Variants in GTF2A1L observed in about 807,000 individuals in gnomAD.
GTF2A1L encodes general transcription factor IIA subunit 1 like.
In GTF2A1L, 48 loss-of-function variants were observed where a neutral mutation model predicts 49.7. The observed-to-expected ratio is 0.97, with a 90% CI of 0.77 to 1.23. The LOEUF is 1.23. Among genes scored for constraint, GTF2A1L ranks in the 50% most tolerant of loss-of-function variants. The pLI is 0.00. For missense variants in GTF2A1L, 736 were observed against 564.8 expected (o/e 1.30, Z -3.07); for synonymous variants, 246 against 193.5 (o/e 1.27, Z -2.25).
intron 6 of GTF2A1L, among the ~76,000 whole-genome samples, chr2:48,664,034 G>C (rs2104283191): frequency 6.6e-6 from 1 of 152,186 alleles, no homozygotes; most frequent in African/African-American, 2.4e-5. Context: ...AATAATTTTA[G>C]TAGTTGTTTT....
chr2:48,633,866 G>A (rs1002289954), intron 3 of GTF2A1L, among the ~76,000 whole-genome samples: 2 of 147,636 alleles, frequency 1.4e-5, no homozygotes, highest in Non-Finnish European at 3.0e-5. Context: ...TTGTGGAATT[G>A]AATGCTTATC....
chr2:48,658,771 G>T (rs1163172739), intron 6 of GTF2A1L, among the ~76,000 whole-genome samples: 1 of 152,028 alleles, frequency 6.6e-6, no homozygotes, highest in Non-Finnish European at 1.5e-5. Flanking sequence ...TCTAGTTTGT[G>T]TGCATAGATG....
chr2:48,640,979 T>A (rs1677166514), intron 3 of GTF2A1L, among the ~76,000 whole-genome samples: 1 of 152,196 alleles, frequency 6.6e-6, no homozygotes, highest in African/African-American at 2.4e-5. Context: ...TATTCCAATG[T>A]CTATAAAGAA....
intron 7 of GTF2A1L, 42 bp from the exon 8 acceptor site, chr2:48,671,549 A>T: frequency 6.3e-7 from 1 of 1,584,348 alleles, no homozygotes; most frequent in Non-Finnish European, 8.6e-7. Context: ...AACAATTTAA[A>T]GCATCATAAA....
chr2:48,631,263 T>G (rs539083390), intron 3 of GTF2A1L, among the ~76,000 whole-genome samples: 4 of 152,156 alleles, frequency 2.6e-5, no homozygotes, highest in African/African-American at 9.6e-5. Context: ...TGGGGCTTTT[T>G]TTGGGTGGTA....
At position 48,628,253 on chromosome 2, in the gene GTF2A1L, G is replaced by T. The variant is rs1053608078; in HGVS notation, c.247+6963G>T. ...TGGATATATAGCCAATAATGGGATT[G>T]CTGGGTCAAATGGTAGTTCTATTTT... On this transcript the variant is annotated intron_variant, in intron 3 of 8. Transcript: ENST00000403751. Among the ~76,000 whole-genome samples the T allele has an allele frequency of 4.2e-5, 6 of 144,136 alleles. 2 individuals are homozygous for T. The highest frequency in any genetic ancestry group is 9.4e-5 in the Non-Finnish European group (6 of 63,956). 94.6% of individuals were successfully genotyped at this position (144,136 alleles called of 152,430 possible). A position where few individuals can be genotyped will look rare whatever the true frequency, so the allele number is the denominator to read the frequency against.
At chr2:48,671,541 C>T (rs1163509968) in intron 7 of GTF2A1L, 50 bp from the exon 8 acceptor site, 1 of 1,559,742 alleles carries the variant, frequency 6.4e-7, no homozygotes, top group Non-Finnish European at 8.7e-7. Context: ...TATCTTTAAA[C>T]AATTTAAAGC....
chr2:48,644,481 A>G (rs1321277557), intron 4 of GTF2A1L, among the ~76,000 whole-genome samples: 3 of 152,184 alleles, frequency 2.0e-5, no homozygotes, highest in African/African-American at 2.4e-5. Flanking sequence ...TTTTTCTAAT[A>G]TAGTATTCTA....
Position 48,645,037 on chromosome 2 carries a change from C to T in GTF2A1L, c.308C>T (p.Thr103Ile). 1 of 1,609,864 alleles carries T rather than the reference C, an allele frequency of 6.2e-7. No homozygotes were observed. Among genetic ancestry groups the T allele is most frequent in the Non-Finnish European group, 8.5e-7 (1 of 1,178,816 alleles). ...ATATAAATTTCTTATATCTAGGGCA[C>T]TTCAAACTCCAGTGCAAACTTTACT... The part of the protein sequence containing the change: ...LPSFTTAELG[T>I]SNSSANFTFP... Residue 103 changes from threonine (T) to isoleucine (I), a missense_variant, in exon 5 of 9, where the codon ACT becomes ATT. Physicochemically the swap from Thr to Ile is moderately conservative, Grantham distance 89. Coordinates refer to ENST00000403751, the MANE Select transcript of GTF2A1L (RefSeq NM_006872.5).
At chr2:48,636,763 A>G (rs1676911706) in intron 3 of GTF2A1L, among the ~76,000 whole-genome samples, 1 of 152,178 alleles carries the variant, frequency 6.6e-6, no homozygotes, top group African/African-American at 2.4e-5. Context: ...AGAGAGAGAC[A>G]AATGGGGTTC....
chr2:48,671,692 A>T lies in GTF2A1L; in HGVS notation c.1329+12A>T. On this transcript the variant is annotated intron_variant, in intron 8 of 8. Coordinates refer to ENST00000403751, the MANE Select transcript of GTF2A1L (RefSeq NM_006872.5). Reference sequence around the variant, plus strand: ...GTCAGTATGATAAGGTACTGTATTTACCTTTTGGACTTTGGGTTTATTAAC... The same window carrying T: ...GTCAGTATGATAAGGTACTGTATTTTCCTTTTGGACTTTGGGTTTATTAAC... 6.2e-7 allele frequency: 1 copy of T among 1,601,800 alleles called. No individual in the cohort carries two copies. Among genetic ancestry groups the T allele is most frequent in the Admixed American group, 1.7e-5 (1 of 57,872 alleles).
In GTF2A1L at chr2:48,671,692, A is replaced by C. The variant is rs758313983; in HGVS notation, c.1329+12A>C. ...GTCAGTATGATAAGGTACTGTATTT[A>C]CCTTTTGGACTTTGGGTTTATTAAC... On this transcript the variant is annotated intron_variant, in intron 8 of 8. Coordinates refer to ENST00000403751, the MANE Select transcript of GTF2A1L (RefSeq NM_006872.5). 1.2e-6 allele frequency: 2 copies of C among 1,601,800 alleles called. No homozygotes were observed. Among genetic ancestry groups the C allele is most frequent in the South Asian group, 1.1e-5 (1 of 87,592 alleles).
intron 7 of GTF2A1L, among the ~76,000 whole-genome samples, chr2:48,670,398 T>A (rs76802176): frequency 0.026 from 4,004 of 152,112 alleles, 157 homozygotes; most frequent in African/African-American, 0.09. Flanking sequence ...AAAAGACTTA[T>A]TATATGCTTG....
intron 6 of GTF2A1L, 46 bp from the exon 7 acceptor site, chr2:48,669,676 A>ATACCTTATT (rs1342646926): frequency 6.4e-7 from 1 of 1,553,752 alleles, no homozygotes; most frequent in Admixed American, 1.9e-5. Flanking sequence ...AATATTTTAT[A>ATACCTTATT]TACCTTATTT....
At chr2:48,653,622 G>C (rs1677991665) in intron 6 of GTF2A1L, among the ~76,000 whole-genome samples, 1 of 152,118 alleles carries the variant, frequency 6.6e-6, no homozygotes, top group Non-Finnish European at 1.5e-5. Flanking sequence ...CATTTGGGTT[G>C]TTTCCAGTTT....
At chr2:48,638,834 G>A (rs67628224) in intron 3 of GTF2A1L, among the ~76,000 whole-genome samples, 11,165 of 152,000 alleles carry the variant, frequency 0.073, 525 homozygotes, top group Non-Finnish European at 0.11. Context: ...CTATAGTCTC[G>A]GCCGAAAAGC....
chr2:48,647,154 T>C, intron 6 of GTF2A1L, 112 bp downstream of exon 6: 1 of 1,038,210 alleles, frequency 9.6e-7, no homozygotes. Context: ...ATATTTTGTT[T>C]TTTTCTTTAG....
intron 6 of GTF2A1L, among the ~76,000 whole-genome samples, chr2:48,663,937 A>G (rs1434674199): frequency 6.6e-6 from 1 of 152,136 alleles, no homozygotes; most frequent in African/African-American, 2.4e-5. Flanking sequence ...TTAAATTTCA[A>G]TTTCTAATTG....
chr2:48,674,359 A>G (rs1679344106), intron 8 of GTF2A1L, among the ~76,000 whole-genome samples: 3 of 151,844 alleles, frequency 2.0e-5, no homozygotes, highest in Non-Finnish European at 4.4e-5. Flanking sequence ...ACTAATGCGT[A>G]TTTACATATT....
Sources: allele counts gnomAD v4.1 joint callset (sites outside exome capture counted in the v4.1 genomes callset), GRCh38; gene constraint gnomAD v4.1.1; transcripts MANE v1.5; gene names NCBI Gene and HGNC (gene_info 2026-07-23, HGNC 2026-07-21).